Variants in SGCD observed in about 807,000 individuals in gnomAD.
SGCD encodes delta-sarcoglycan.
SGCD carries 18 observed loss-of-function variants against 36.6 expected under a neutral mutation model. The observed-to-expected ratio is 0.49, with a 90% CI of 0.34 to 0.73. SGCD has a LOEUF of 0.73. SGCD is among the 30% of genes least tolerant of loss of function. The probability of loss-of-function intolerance (pLI) is 0.01; values close to 1 mark genes in which losing one functional copy is unlikely to be tolerated. For synonymous variants in SGCD, 133 were observed against 130.6 expected (o/e 1.02, Z -0.12); for missense variants, 387 against 346.7 (o/e 1.12, Z -0.92).
intron 1 of SGCD, among the ~76,000 whole-genome samples, chr5:156,099,744 G>T (rs954977848): frequency 6.6e-6 from 1 of 151,826 alleles, no homozygotes; most frequent in African/African-American, 2.4e-5. Context: ...ACCTAATATG[G>T]TCTAGACTCA....
intron 1 of SGCD, among the ~76,000 whole-genome samples, chr5:155,996,758 G>A (rs1758552885): frequency 7.0e-6 from 1 of 143,162 alleles, no homozygotes. Context: ...CAGCCTGTGT[G>A]ACAGAGTAAG....
intron 3 of SGCD, among the ~76,000 whole-genome samples, chr5:156,474,380 G>A (rs1022045018): frequency 7.2e-5 from 11 of 152,300 alleles, no homozygotes; most frequent in Middle Eastern, 3.4e-3. Flanking sequence ...GCACTTATGC[G>A]TACCCTTCCT....
At chr5:156,602,342 T>C (rs1761230808) in intron 6 of SGCD, among the ~76,000 whole-genome samples, 2 of 140,754 alleles carry the variant, frequency 1.4e-5, no homozygotes, top group Admixed American at 1.5e-4. Context: ...TTAATTCTAA[T>C]AATTTTTTTT....
intron 1 of SGCD, among the ~76,000 whole-genome samples, chr5:155,948,434 T>C (rs1172517242): frequency 3.3e-5 from 5 of 152,304 alleles, no homozygotes; most frequent in Admixed American, 3.3e-4. Flanking sequence ...TGCCCATGTT[T>C]ATTGTTATTA....
At chr5:156,649,485 G>T (rs956230919) in intron 7 of SGCD, among the ~76,000 whole-genome samples, 4 of 152,112 alleles carry the variant, frequency 2.6e-5, no homozygotes, top group Non-Finnish European at 5.9e-5. Flanking sequence ...TGATAGACTG[G>T]ATTAAGAAAA....
chr5:156,651,256 T>C (rs1003042444), intron 7 of SGCD, among the ~76,000 whole-genome samples: 1 of 152,146 alleles, frequency 6.6e-6, no homozygotes, highest in Non-Finnish European at 1.5e-5. Flanking sequence ...TTGTAGACTG[T>C]TTATCCTGTT....
intron 7 of SGCD, among the ~76,000 whole-genome samples, chr5:156,649,826 C>G (rs971237240): frequency 4.0e-5 from 6 of 151,876 alleles, no homozygotes; most frequent in Non-Finnish European, 5.9e-5. Flanking sequence ...CAAACCTGCA[C>G]GTTGTGCACA....
chr5:155,918,044 G>A (rs527578045), intron 1 of SGCD, among the ~76,000 whole-genome samples: 3 of 152,118 alleles, frequency 2.0e-5, no homozygotes, highest in African/African-American at 7.2e-5. Flanking sequence ...GCCATGCCTC[G>A]GGAAATTTGC....
intron 4 of SGCD, among the ~76,000 whole-genome samples, chr5:156,526,924 G>C (rs976212959): frequency 2.6e-5 from 4 of 152,210 alleles, no homozygotes. Context: ...AAATGTAAGA[G>C]TTACTGAGGG....
chr5:156,632,140 G>A (rs189358809), intron 6 of SGCD, among the ~76,000 whole-genome samples: 1 of 152,146 alleles, frequency 6.6e-6, no homozygotes, highest in Non-Finnish European at 1.5e-5. Context: ...CAGAAGGAGA[G>A]ACAGAAACAC....
intron 3 of SGCD, among the ~76,000 whole-genome samples, chr5:156,196,022 C>T (rs1185427324): frequency 6.6e-6 from 1 of 152,098 alleles, no homozygotes; most frequent in Non-Finnish European, 1.5e-5. Context: ...CAGCATCATC[C>T]AAGGAGGGCC....
the SGCD span, among the ~76,000 whole-genome samples, chr5:155,752,901 A>G: frequency 6.6e-6 from 1 of 152,192 alleles, no homozygotes; most frequent in South Asian, 2.1e-4. Context: ...GCATTTTAGA[A>G]GAGCTTTGTT....
intron 1 of SGCD, among the ~76,000 whole-genome samples, chr5:156,080,633 T>C (rs1760925339): frequency 2.0e-5 from 3 of 152,214 alleles, no homozygotes; most frequent in Admixed American, 1.3e-4. Context: ...ATAATCCATT[T>C]GAAGCCCAAA....
At chr5:156,572,615 T>G (rs1173610939) in intron 4 of SGCD, among the ~76,000 whole-genome samples, 1 of 152,112 alleles carries the variant, frequency 6.6e-6, no homozygotes, top group Non-Finnish European at 1.5e-5. Flanking sequence ...GCCATATTTC[T>G]TAAGTAGACA....
At chr5:155,844,386 T>C in the SGCD span, among the ~76,000 whole-genome samples, 2 of 150,812 alleles carry the variant, frequency 1.3e-5, no homozygotes, top group African/African-American at 4.9e-5. Flanking sequence ...CCAGAGGAAG[T>C]TTGTTAATTG....
chr5:156,268,929 C>CT (rs1219234378), intron 3 of SGCD, among the ~76,000 whole-genome samples: 5 of 151,100 alleles, frequency 3.3e-5, no homozygotes, highest in Admixed American at 1.3e-4. Flanking sequence ...TGATGTTGAG[C>CT]TTTTTTTTTC....
chr5:156,236,452 T>TA (rs1293031789), intron 3 of SGCD, among the ~76,000 whole-genome samples: 1 of 80,398 alleles, frequency 1.2e-5, no homozygotes, highest in East Asian at 1.4e-3. Flanking sequence ...ATTCGTATAC[T>TA]TTTTTTTTTT....
At chr5:156,057,670 G>A (rs1468427549) in intron 1 of SGCD, among the ~76,000 whole-genome samples, 2 of 146,208 alleles carry the variant, frequency 1.4e-5, no homozygotes, top group Non-Finnish European at 3.1e-5. Flanking sequence ...TCAGAAAACA[G>A]AACAAATTAC....
At chr5:156,081,864 T>C (rs1760961832) in intron 1 of SGCD, among the ~76,000 whole-genome samples, 1 of 151,770 alleles carries the variant, frequency 6.6e-6, no homozygotes, top group Non-Finnish European at 1.5e-5. Flanking sequence ...AATCACAGAG[T>C]GATTGCCCCA....
Sources: allele counts gnomAD v4.1 joint callset (sites outside exome capture counted in the v4.1 genomes callset), GRCh38; gene constraint gnomAD v4.1.1; transcripts MANE v1.5; gene names NCBI Gene and HGNC (gene_info 2026-07-23, HGNC 2026-07-21).